Variants in AKAP19 observed in about 807,000 individuals in gnomAD.
AKAP19 encodes small A-kinase anchoring protein.
At chr2:189,899,553 A>T in the AKAP19 span, among the ~76,000 whole-genome samples, 1 of 151,736 alleles carries the variant, frequency 6.6e-6, no homozygotes, top group African/African-American at 2.4e-5. Context: ...CTCCTTGAGG[A>T]TCTTTGTCAA....
the AKAP19 span, among the ~76,000 whole-genome samples, chr2:189,949,405 C>T: frequency 6.6e-6 from 1 of 151,512 alleles, no homozygotes. Flanking sequence ...GGCACAGTGG[C>T]GGGCACCTGT....
the AKAP19 span, among the ~76,000 whole-genome samples, chr2:190,113,808 C>T: frequency 6.6e-6 from 1 of 152,136 alleles, no homozygotes; most frequent in Admixed American, 6.5e-5. Context: ...ATTGGCTTTC[C>T]TTCCCTGTTT....
At chr2:189,982,496 A>T in the AKAP19 span, among the ~76,000 whole-genome samples, 1 of 152,090 alleles carries the variant, frequency 6.6e-6, no homozygotes, top group Non-Finnish European at 1.5e-5. Context: ...TGTCATTTCA[A>T]ACTTTTCAAT....
the AKAP19 span, among the ~76,000 whole-genome samples, chr2:189,895,044 CAAAA>C: frequency 1.3e-5 from 2 of 150,988 alleles, no homozygotes; most frequent in South Asian, 4.2e-4. Flanking sequence ...AGAAAAAAAA[CAAAA>C]AAGTGACTTG....
the AKAP19 span, among the ~76,000 whole-genome samples, chr2:189,974,137 A>G: frequency 6.6e-6 from 1 of 151,788 alleles, no homozygotes; most frequent in Non-Finnish European, 1.5e-5. Context: ...ATTTCCCTCT[A>G]CACACTGCTT....
the AKAP19 span, among the ~76,000 whole-genome samples, chr2:189,927,090 C>T: frequency 6.6e-6 from 1 of 151,990 alleles, no homozygotes; most frequent in Non-Finnish European, 1.5e-5. Flanking sequence ...AGATCCCTGT[C>T]TCTCTGTTGC....
chr2:190,163,738 G>T, the AKAP19 span, among the ~76,000 whole-genome samples: 5 of 152,188 alleles, frequency 3.3e-5, no homozygotes, highest in Non-Finnish European at 7.4e-5. Context: ...ATAGGGGAAA[G>T]ATCTAAATCA....
chr2:190,006,519 G>A, the AKAP19 span, among the ~76,000 whole-genome samples: 19 of 151,898 alleles, frequency 1.3e-4, no homozygotes, highest in African/African-American at 3.6e-4. Flanking sequence ...GCGTGATGGC[G>A]GGTGCCTGTA....
chr2:190,196,962 G>A, the AKAP19 span, among the ~76,000 whole-genome samples: 2 of 152,150 alleles, frequency 1.3e-5, no homozygotes, highest in African/African-American at 2.4e-5. Flanking sequence ...GGTTCTGGAG[G>A]CTGGGAAGTC....
the AKAP19 span, chr2:190,200,224 A>AAAAGTACAAATAACTATCTGGATTT: frequency 8.5e-7 from 1 of 1,172,794 alleles, no homozygotes; most frequent in South Asian, 1.4e-5. Context: ...ACTGGTGTGA[A>AAAAGTACAAATAACTATCTGGATTT]AAAGTACAAA....
chr2:190,061,195 C>G, the AKAP19 span, among the ~76,000 whole-genome samples: 1 of 151,950 alleles, frequency 6.6e-6, no homozygotes, highest in East Asian at 1.9e-4. Context: ...GCATTGTAAC[C>G]TGATTACTTA....
chr2:190,057,198 A>G, the AKAP19 span: 1 of 1,597,848 alleles, frequency 6.3e-7, no homozygotes, highest in African/African-American at 1.3e-5. Context: ...TCACAGCTTC[A>G]AAATTGTTGA....
chr2:189,931,820 A>G, the AKAP19 span, among the ~76,000 whole-genome samples: 12 of 151,328 alleles, frequency 7.9e-5, no homozygotes, highest in South Asian at 2.5e-3. Context: ...ATGGGGTTTC[A>G]CCATGTTGTC....
chr2:189,938,134 G>A, the AKAP19 span, among the ~76,000 whole-genome samples: 2 of 152,050 alleles, frequency 1.3e-5, no homozygotes, highest in Non-Finnish European at 2.9e-5. Context: ...TAAGGAGTTC[G>A]AGACCAGCCT....
At chr2:190,025,493 A>G in the AKAP19 span, among the ~76,000 whole-genome samples, 1 of 152,204 alleles carries the variant, frequency 6.6e-6, no homozygotes, top group African/African-American at 2.4e-5. Context: ...TAATGTAACC[A>G]CAACAGTAAT....
the AKAP19 span, among the ~76,000 whole-genome samples, chr2:190,108,731 A>G: frequency 1.3e-5 from 2 of 151,680 alleles, no homozygotes; most frequent in African/African-American, 4.8e-5. Context: ...AAGAAGTTAG[A>G]ATGGAAAGGA....
At chr2:190,105,173 T>G in the AKAP19 span, among the ~76,000 whole-genome samples, 4 of 152,158 alleles carry the variant, frequency 2.6e-5, no homozygotes, top group Non-Finnish European at 5.9e-5. Flanking sequence ...AAAAGACACA[T>G]ATACTCATAT....
chr2:190,121,113 CTT>C, the AKAP19 span, among the ~76,000 whole-genome samples: 43 of 133,580 alleles, frequency 3.2e-4, no homozygotes, highest in Non-Finnish European at 4.0e-4. Context: ...AAATCTAAGT[CTT>C]TTTTTTTTTT....
At chr2:189,916,576 C>G in the AKAP19 span, among the ~76,000 whole-genome samples, 1 of 152,142 alleles carries the variant, frequency 6.6e-6, no homozygotes, top group African/African-American at 2.4e-5. Context: ...CCCGCCTCGG[C>G]CTCCCAAAGT....
Sources: gnomAD v4.1 joint callset for allele counts (sites outside exome capture counted in the v4.1 genomes callset) on GRCh38, gnomAD v4.1.1 for gene constraint, MANE v1.5 for transcripts, NCBI Gene and HGNC (gene_info 2026-07-23, HGNC 2026-07-21) for gene names.